ZMYM2: variants seen among roughly 807,000 people sequenced by gnomAD.
The protein encoded by ZMYM2 is zinc finger MYM-type protein 2.
ZMYM2 carries 56 observed loss-of-function variants against 162.8 expected under a neutral mutation model. The ratio of observed to expected loss-of-function variants is 0.34; its 90% CI spans 0.28 to 0.43. ZMYM2 has a LOEUF of 0.43. Ranked by LOEUF, ZMYM2 falls within the 20% of genes least tolerant of loss-of-function variation. ZMYM2 has a pLI of 1.00. For synonymous variants in ZMYM2, 510 were observed against 541.6 expected, an observed-to-expected ratio of 0.94 and a Z score of 0.81; for missense variants, 1,275 against 1,621.8, an observed-to-expected ratio of 0.79 and a Z score of 3.67.
At chr13:20,067,683 T>C (rs950886941) in intron 21 of ZMYM2, among the ~76,000 whole-genome samples, 1 of 152,220 alleles carries the variant, frequency 6.6e-6, no homozygotes, top group Admixed American at 6.5e-5. Flanking sequence ...TAGGTCTGTT[T>C]CACTGTATGC....
the ZMYM2 span, among the ~76,000 whole-genome samples, chr13:19,885,973 A>ACATATATGTGTG: frequency 2.5e-5 from 3 of 117,824 alleles, no homozygotes; most frequent in East Asian, 6.9e-4. Flanking sequence ...GTGTATACAC[A>ACATATATGTGTG]TATATATGTA....
intron 14 of ZMYM2, among the ~76,000 whole-genome samples, chr13:20,056,647 G>T (rs1955818102): frequency 6.6e-6 from 1 of 151,946 alleles, no homozygotes; most frequent in South Asian, 2.1e-4. Flanking sequence ...TAACTGTTGG[G>T]AAGATGTTTG....
At chr13:19,973,864 T>C (rs939968821) in intron 2 of ZMYM2, among the ~76,000 whole-genome samples, 2 of 152,076 alleles carry the variant, frequency 1.3e-5, no homozygotes, top group African/African-American at 4.8e-5. Flanking sequence ...GGATTTTAGT[T>C]GTTGTTAGCT....
At position 19,996,081 on chromosome 13, in the gene ZMYM2, T is replaced by TGG. The variant is rs554822062; in HGVS notation, c.847+2163_847+2164insGG. Among the ~76,000 whole-genome samples the TGG allele has an allele frequency of 6.6e-5, 10 of 152,254 alleles. No individual in the cohort carries two copies. The East Asian group carries it at 1.7e-3, about 27-fold the overall frequency. On this transcript the variant is annotated intron_variant, in intron 3 of 24. Transcript: ENST00000610343. ...CTCTCCCCCAATTCCTCTGTGTGTG[T>TGG]GTGTCTATCGGCGTTTCTCTCTCAC...
intron 6 of ZMYM2, among the ~76,000 whole-genome samples, chr13:20,011,894 G>A (rs946785382): frequency 2.0e-5 from 3 of 151,732 alleles, no homozygotes; most frequent in Non-Finnish European, 1.5e-5. Context: ...GATTACAGGC[G>A]CACACCACCA....
At chr13:20,042,993 G>T (rs538525233) in intron 12 of ZMYM2, among the ~76,000 whole-genome samples, 1 of 152,200 alleles carries the variant, frequency 6.6e-6, no homozygotes, top group South Asian at 2.1e-4. Context: ...CAAAGTGCTG[G>T]AATTACAGAC....
chr13:20,074,631 T>C (rs1271410718), intron 21 of ZMYM2, among the ~76,000 whole-genome samples: 1 of 151,448 alleles, frequency 6.6e-6, no homozygotes, highest in African/African-American at 2.4e-5. Context: ...CTCCGCCTCC[T>C]GGGTTCACGC....
At chr13:19,981,066 G>A (rs2139485952) in intron 2 of ZMYM2, among the ~76,000 whole-genome samples, 1 of 152,210 alleles carries the variant, frequency 6.6e-6, no homozygotes, top group East Asian at 1.9e-4. Context: ...AGGGCCAGGA[G>A]TTCAAGACTA....
At chr13:19,971,262 A>ATATATATATT (rs1329532735) in intron 2 of ZMYM2, among the ~76,000 whole-genome samples, 3 of 78,330 alleles carry the variant, frequency 3.8e-5, no homozygotes, top group Non-Finnish European at 7.2e-5. Context: ...ATATATATAT[A>ATATATATATT]TTTTTTTTTT....
At chr13:19,941,251 T>A in the ZMYM2 span, among the ~76,000 whole-genome samples, 5 of 150,174 alleles carry the variant, frequency 3.3e-5, no homozygotes, top group Admixed American at 3.3e-4. Flanking sequence ...GAGGTTGCAA[T>A]GAGTGGAGAT....
chr13:19,941,314 C>CA, the ZMYM2 span, among the ~76,000 whole-genome samples: 9 of 111,096 alleles, frequency 8.1e-5, no homozygotes, highest in Non-Finnish European at 1.4e-4. Flanking sequence ...AACAAACAAA[C>CA]AAAAAAACAA....
At chr13:20,062,383 T>G (rs1394063867) in intron 17 of ZMYM2, among the ~76,000 whole-genome samples, 2 of 152,202 alleles carry the variant, frequency 1.3e-5, no homozygotes, top group Non-Finnish European at 2.9e-5. Flanking sequence ...TTGCCATGAT[T>G]ACAACACAAA....
At chr13:19,969,193 A>G (rs903112641) in intron 2 of ZMYM2, among the ~76,000 whole-genome samples, 11 of 152,182 alleles carry the variant, frequency 7.2e-5, no homozygotes, top group African/African-American at 2.4e-4. Context: ...TCAACAATGG[A>G]CGTATTCATC....
At chr13:19,987,869 C>T (rs1949303299) in intron 2 of ZMYM2, among the ~76,000 whole-genome samples, 1 of 152,154 alleles carries the variant, frequency 6.6e-6, no homozygotes, top group African/African-American at 2.4e-5. Flanking sequence ...GCCTCAGCCT[C>T]CCAAAGTGTT....
intron 2 of ZMYM2, among the ~76,000 whole-genome samples, chr13:19,971,663 A>G (rs1334590541): frequency 6.6e-6 from 1 of 152,106 alleles, no homozygotes; most frequent in Non-Finnish European, 1.5e-5. Context: ...TCAGGCAAGA[A>G]GGATAGTAGT....
chr13:19,990,541 T>C (rs1021055290), intron 2 of ZMYM2, among the ~76,000 whole-genome samples: 2 of 152,210 alleles, frequency 1.3e-5, no homozygotes, highest in East Asian at 1.9e-4. Flanking sequence ...AAACTAGTTA[T>C]CTCTTCACCT....
At chr13:20,064,738 A>G (rs1956541411) in intron 19 of ZMYM2, among the ~76,000 whole-genome samples, 193 bp downstream of exon 19, 1 of 151,214 alleles carries the variant, frequency 6.6e-6, no homozygotes, top group Non-Finnish European at 1.5e-5. Context: ...TACTATTTCT[A>G]TTTGTATAGA....
chr13:19,917,165 T>C, the ZMYM2 span, among the ~76,000 whole-genome samples: 3 of 152,000 alleles, frequency 2.0e-5, no homozygotes, highest in East Asian at 2.0e-4. Context: ...GGTTTCACTG[T>C]GTTAGCCAGG....
At chr13:19,925,669 T>C in the ZMYM2 span, among the ~76,000 whole-genome samples, 1 of 151,848 alleles carries the variant, frequency 6.6e-6, no homozygotes, top group Non-Finnish European at 1.5e-5. Context: ...GGTCAGGAGT[T>C]CCAGACCGGC....
Sources: allele counts gnomAD v4.1 joint callset (sites outside exome capture counted in the v4.1 genomes callset), GRCh38; gene constraint gnomAD v4.1.1; transcripts MANE v1.5; gene names NCBI Gene and HGNC (gene_info 2026-07-23, HGNC 2026-07-21).